The following SH3RF3 variants were observed in gnomAD, a reference collection of about 807,000 sequenced individuals.
SH3RF3 encodes the protein E3 ubiquitin-protein ligase SH3RF3.
In SH3RF3, 29 loss-of-function variants were observed where a neutral mutation model predicts 66.3. The ratio of observed to expected loss-of-function variants is 0.44; its 90% CI spans 0.33 to 0.60. SH3RF3 has a LOEUF of 0.60. Among genes scored for constraint, SH3RF3 ranks in the 20% least tolerant of loss-of-function variants. The pLI, the probability that SH3RF3 is intolerant of heterozygous loss-of-function variation, is 0.04. For missense variants in SH3RF3, 1,194 were observed against 1,190.9 expected, an observed-to-expected ratio of 1.00 and a Z score of -0.04; for synonymous variants, 583 against 532.0, an observed-to-expected ratio of 1.10 and a Z score of -1.32.
chr2:109,221,531 G>A (rs1047649848), intron 1 of SH3RF3, among the ~76,000 whole-genome samples: 3 of 149,028 alleles, frequency 2.0e-5, no homozygotes, highest in African/African-American at 5.0e-5. Flanking sequence ...GCGGTAAGCC[G>A]CGATCGCGCC....
intron 8 of SH3RF3, among the ~76,000 whole-genome samples, chr2:109,451,989 C>A (rs183028110): frequency 6.6e-6 from 1 of 152,322 alleles, no homozygotes; most frequent in African/African-American, 2.4e-5. Flanking sequence ...AAGCACATTG[C>A]CCTCCCACAC....
chr2:109,192,500 A>G (rs1392523474), intron 1 of SH3RF3, among the ~76,000 whole-genome samples: 2 of 152,194 alleles, frequency 1.3e-5, no homozygotes, highest in East Asian at 1.9e-4. Context: ...TTTGTGTTGG[A>G]TCAGAGTAAG....
chr2:109,446,006 A>C (rs1409863192), intron 7 of SH3RF3, among the ~76,000 whole-genome samples: 1 of 152,192 alleles, frequency 6.6e-6, no homozygotes, highest in Non-Finnish European at 1.5e-5. Context: ...AGCAGGGACC[A>C]TGGGTGGTGC....
At chr2:109,416,454 G>A (rs1676725811) in intron 4 of SH3RF3, among the ~76,000 whole-genome samples, 1 of 152,012 alleles carries the variant, frequency 6.6e-6, no homozygotes, top group African/African-American at 2.4e-5. Context: ...AAAATATCTC[G>A]GCTCACTGCA....
At position 109,391,167 on chromosome 2, in the gene SH3RF3, C is replaced by T. The variant is rs112661190; in HGVS notation, c.946-7423C>T. ...CTCTTCCAAAAGCCTTGCCTGTACT[C>T]AGGCTTTACGTGCAAAATTAGGCAG... is the stretch of plus-strand genomic sequence containing the variant. On this transcript the variant is annotated intron_variant, in intron 3 of 9. Coordinates refer to ENST00000309415, the MANE Select transcript of SH3RF3 (RefSeq NM_001099289.3). Among the ~76,000 whole-genome samples the T allele has an allele frequency of 2.6e-3, 390 of 152,386 alleles. 2 individuals carry two copies. Among genetic ancestry groups the T allele is most frequent in the African/African-American group, 8.9e-3 (370 of 41,602 alleles).
At chr2:109,284,695 C>G (rs546374558) in intron 1 of SH3RF3, among the ~76,000 whole-genome samples, 6 of 152,282 alleles carry the variant, frequency 3.9e-5, no homozygotes, top group African/African-American at 1.4e-4. Flanking sequence ...GAGACCCTTC[C>G]CAGTCTAGGC....
chr2:109,487,586 T>C (rs2104368439), intron 8 of SH3RF3, among the ~76,000 whole-genome samples: 1 of 152,302 alleles, frequency 6.6e-6, no homozygotes, highest in South Asian at 2.1e-4. Flanking sequence ...TCCATCACAT[T>C]TACGCACCCC....
intron 1 of SH3RF3, among the ~76,000 whole-genome samples, chr2:109,158,804 C>G (rs542929006): frequency 1.3e-5 from 2 of 152,326 alleles, no homozygotes; most frequent in South Asian, 4.2e-4. Flanking sequence ...AGTGTGCACT[C>G]TGGACCAGCC....
intron 5 of SH3RF3, among the ~76,000 whole-genome samples, chr2:109,426,117 C>T (rs1453552901): frequency 6.6e-6 from 1 of 152,162 alleles, no homozygotes; most frequent in African/African-American, 2.4e-5. Flanking sequence ...CCATGTTGGC[C>T]AGGCTGGTGT....
intron 7 of SH3RF3, among the ~76,000 whole-genome samples, chr2:109,446,137 G>C (rs954597153): frequency 1.3e-5 from 2 of 152,038 alleles, no homozygotes; most frequent in East Asian, 1.9e-4. Flanking sequence ...TGAAAATAAG[G>C]GTAAATCCTA....
intron 1 of SH3RF3, among the ~76,000 whole-genome samples, chr2:109,279,601 G>A (rs1035602099): frequency 2.1e-4 from 32 of 152,220 alleles, no homozygotes; most frequent in African/African-American, 7.5e-4. Flanking sequence ...TCAAGGAAAC[G>A]GGATACCTTT....
intron 7 of SH3RF3, among the ~76,000 whole-genome samples, chr2:109,448,874 G>A (rs956676721): frequency 6.6e-6 from 1 of 152,222 alleles, no homozygotes; most frequent in Non-Finnish European, 1.5e-5. Context: ...AACTGGGAAT[G>A]TGCCCATGTT....
chr2:109,152,340 C>A (rs1677241320), intron 1 of SH3RF3, among the ~76,000 whole-genome samples: 1 of 152,180 alleles, frequency 6.6e-6, no homozygotes, highest in South Asian at 2.1e-4. Context: ...CCTGCCCTTT[C>A]CCTGGTGCAT....
intron 2 of SH3RF3, among the ~76,000 whole-genome samples, chr2:109,354,330 G>A (rs1178537304): frequency 6.6e-6 from 1 of 152,188 alleles, no homozygotes; most frequent in Non-Finnish European, 1.5e-5. Flanking sequence ...AGGGTCAGGG[G>A]CCTTCTCTGG....
chr2:109,155,778 C>T (rs1677333423), intron 1 of SH3RF3, among the ~76,000 whole-genome samples: 1 of 152,178 alleles, frequency 6.6e-6, no homozygotes, highest in Admixed American at 6.5e-5. Context: ...TCATAGCACA[C>T]GTGCTGGTGT....
chr2:109,448,243 C>T (rs1239192259), intron 7 of SH3RF3, among the ~76,000 whole-genome samples: 1 of 152,190 alleles, frequency 6.6e-6, no homozygotes, highest in African/African-American at 2.4e-5. Context: ...TGTTTATGAG[C>T]ATTTTACAAC....
At chr2:109,203,006 C>T (rs2105076216) in intron 1 of SH3RF3, among the ~76,000 whole-genome samples, 1 of 152,284 alleles carries the variant, frequency 6.6e-6, no homozygotes, top group East Asian at 1.9e-4. Context: ...AACACTTGGG[C>T]CTGAGGATAC....
intron 8 of SH3RF3, among the ~76,000 whole-genome samples, chr2:109,457,045 T>C (rs987768070): frequency 1.3e-5 from 2 of 152,206 alleles, no homozygotes; most frequent in Non-Finnish European, 2.9e-5. Flanking sequence ...ATCTCCTGTT[T>C]ACCAATTATG....
chr2:109,185,659 T>G (rs1389630954), intron 1 of SH3RF3, among the ~76,000 whole-genome samples: 1 of 152,132 alleles, frequency 6.6e-6, no homozygotes, highest in East Asian at 1.9e-4. Flanking sequence ...ACACTCCTGG[T>G]TCACCTTAGT....
Sources: allele counts gnomAD v4.1 joint callset (sites outside exome capture counted in the v4.1 genomes callset), GRCh38; gene constraint gnomAD v4.1.1; transcripts MANE v1.5; gene names NCBI Gene and HGNC (gene_info 2026-07-23, HGNC 2026-07-21).